Variants in LY75 observed in about 807,000 individuals in gnomAD.
LY75 encodes lymphocyte antigen 75.
LY75 carries 185 observed loss-of-function variants against 231.7 expected under a neutral mutation model. The observed-to-expected ratio is 0.80, with a 90% confidence interval of 0.71 to 0.90. The LOEUF is 0.90. Among genes scored for constraint, LY75 ranks in the 40% least tolerant of loss-of-function variants. LY75 has a pLI of 0.00. For missense variants in LY75, 1,947 were observed against 2,050.2 expected, an observed-to-expected ratio of 0.95 and a Z score of 0.97; for synonymous variants, 668 against 689.0, an observed-to-expected ratio of 0.97 and a Z score of 0.48.
intron 29 of LY75, among the ~76,000 whole-genome samples, chr2:159,817,886 A>G (rs1445524312): frequency 1.3e-5 from 2 of 151,992 alleles, no homozygotes; most frequent in Non-Finnish European, 2.9e-5. Flanking sequence ...CGTCTCTACC[A>G]AAAATACAAA....
intron 13 of LY75, among the ~76,000 whole-genome samples, chr2:159,868,351 A>C (rs1422992651): frequency 6.6e-6 from 1 of 152,164 alleles, no homozygotes; most frequent in Non-Finnish European, 1.5e-5. Flanking sequence ...AAAAAAATTA[A>C]ACATAGTACA....
At chr2:159,879,466 G>T in intron 8 of LY75, 97 bp from the exon 9 acceptor site, 2 of 1,506,008 alleles carry the variant, frequency 1.3e-6, no homozygotes, top group Non-Finnish European at 9.0e-7. Flanking sequence ...CAGAGAGAGA[G>T]AAATGAATAT....
rs530169549 is a variant in LY75, at chr2:159,820,551, G to A, written c.3959-631C>T. ...CGGGGGGAAGAGTGGGAGGGGATGAGGGATAAAAGATTACACACTAGGTAC... is the reference window on the plus strand; with the variant it reads ...CGGGGGGAAGAGTGGGAGGGGATGAAGGATAAAAGATTACACACTAGGTAC... On this transcript the variant is annotated intron_variant, in intron 28 of 34. Coordinates refer to ENST00000263636, the MANE Select transcript of LY75 (RefSeq NM_002349.4). Among the ~76,000 whole-genome samples, 24 of 152,210 alleles carry A rather than the reference G, an allele frequency of 1.6e-4. No individual in the cohort carries two copies. In the South Asian group the frequency reaches 4.6e-3, roughly 29 times the overall value.
chr2:159,827,330 T>C (rs898146142), intron 28 of LY75, among the ~76,000 whole-genome samples: 1 of 152,216 alleles, frequency 6.6e-6, no homozygotes, highest in Non-Finnish European at 1.5e-5. Flanking sequence ...AGAGAAGACA[T>C]TTATACAGCC....
In LY75 at chr2:159,894,014, C is replaced by T; in HGVS notation, c.537G>A (p.Trp179Ter). 1 of 1,613,834 alleles carries T rather than the reference C, an allele frequency of 6.2e-7. No individual in the cohort carries two copies. The highest frequency in any genetic ancestry group is 8.5e-7 in the Non-Finnish European group (1 of 1,179,840). ...CTTCATCAAGAATGCAATCATGATG[C>T]CAGGTCCCATCAATTAAGAATGGAA... ...CEFPFLIDGT[W>*]HHDCILDEDH... is the part of the protein sequence containing the mutation. The change falls in exon 3 of 35, where the codon TGG (tryptophan) becomes TGA (stop). Residue 179 changes from tryptophan (W) to a stop codon, truncating the protein, a stop_gained. Coordinates refer to ENST00000263636, the MANE Select transcript of LY75 (RefSeq NM_002349.4). LOFTEE classifies it high-confidence loss of function.
intron 25 of LY75, among the ~76,000 whole-genome samples, chr2:159,838,451 A>G (rs1048413548): frequency 1.3e-5 from 2 of 152,226 alleles, no homozygotes; most frequent in Admixed American, 1.3e-4. Flanking sequence ...AAATAGGTAC[A>G]CATAGAAAAA....
At chr2:159,895,822 C>A (rs1032271737) in intron 2 of LY75, among the ~76,000 whole-genome samples, 1 of 152,230 alleles carries the variant, frequency 6.6e-6, no homozygotes. Flanking sequence ...AAGCATACAA[C>A]CACCACACCA....
chr2:159,826,153 G>A (rs2433688), intron 28 of LY75, among the ~76,000 whole-genome samples: 62,124 of 151,942 alleles, frequency 0.41, 14,391 homozygotes, highest in Non-Finnish European at 0.52. Context: ...ATGGGAAGAG[G>A]GGAAGTCAAA....
intron 29 of LY75, among the ~76,000 whole-genome samples, chr2:159,819,006 A>G (rs1234514629): frequency 6.6e-6 from 1 of 152,216 alleles, no homozygotes; most frequent in African/African-American, 2.4e-5. Context: ...CTAAGTTTCT[A>G]AAATGTCTCA....
Position 159,878,401 on chromosome 2 carries a change from CA to C in LY75, c.1696del (p.Cys566ValfsTer16), listed in dbSNP as rs769935583. ...FWTGLRDVDS[C>X]GEYNWATVGG... ...AACAGTTGCCCAGTTATACTCTCCACAAGAATCTACATCTCTCAGGCCAGTC... is the reference window on the plus strand; with the variant it reads ...AACAGTTGCCCAGTTATACTCTCCACAGAATCTACATCTCTCAGGCCAGTC... On this transcript the variant is annotated frameshift_variant, in exon 11 of 35. Transcript: ENST00000263636. LOFTEE classifies it high-confidence loss of function. 6.2e-6 allele frequency: 10 copies of C among 1,613,996 alleles called. No homozygotes were observed. In the African/African-American group the frequency reaches 1.2e-4, roughly 19 times the overall value.
At chr2:159,862,478 T>C (rs1050197569) in intron 14 of LY75, among the ~76,000 whole-genome samples, 8 of 152,064 alleles carry the variant, frequency 5.3e-5, no homozygotes, top group Admixed American at 2.6e-4. Context: ...AAATCACTCA[T>C]ACTACCCAAA....
intron 12 of LY75, 60 bp from the exon 13 acceptor site, chr2:159,872,653 TAA>T: frequency 1.3e-6 from 2 of 1,561,884 alleles, no homozygotes. Context: ...TTCATAGTGC[TAA>T]AGTCAATTAC....
At chr2:159,887,141 T>C (rs1001805792) in intron 4 of LY75, among the ~76,000 whole-genome samples, 8 of 148,518 alleles carry the variant, frequency 5.4e-5, no homozygotes, top group Admixed American at 3.4e-4. Flanking sequence ...ATAACATATA[T>C]ATATGTGGCT....
At chr2:159,820,676 T>C (rs935276797) in intron 28 of LY75, among the ~76,000 whole-genome samples, 4 of 152,176 alleles carry the variant, frequency 2.6e-5, no homozygotes, top group African/African-American at 7.2e-5. Flanking sequence ...CAAAAACCTA[T>C]TGAAATAAAA....
rs561543689 is a variant in LY75 at position 159,880,590 on chromosome 2, G to T, written c.1404+493C>A. Among the ~76,000 whole-genome samples the T allele has an allele frequency of 4.6e-5, 7 of 152,324 alleles. No individual in the cohort carries two copies. The East Asian group carries it at 1.3e-3, about 29-fold the overall frequency. On this transcript the variant is annotated intron_variant, in intron 8 of 34. Coordinates refer to ENST00000263636, the MANE Select transcript of LY75 (RefSeq NM_002349.4). ...TTTGAGACCAGAAAAGATGCTCTCA[G>T]ATAGGATATGGGTTGCTTATTTAGT...
Position 159,840,736 on chromosome 2 carries a change from CTG to C in LY75, c.3498_3499del (p.Phe1166LeufsTer4), listed in dbSNP as rs1481011318. 1 of 1,613,984 alleles carries C rather than the reference CTG, an allele frequency of 6.2e-7. No homozygotes were observed. ...TTGGGACTGAACACTTACATCTTGACTGAAGAGTCCGATCCATAAGGAAGAGT... is the reference window on the plus strand; with the variant it reads ...TTGGGACTGAACACTTACATCTTGACAAGAGTCCGATCCATAAGGAAGAGT... On this transcript the variant is annotated frameshift_variant, in exon 25 of 35. Coordinates refer to ENST00000263636, the MANE Select transcript of LY75 (RefSeq NM_002349.4). LOFTEE classifies it high-confidence loss of function.
intron 32 of LY75, 95 bp from the exon 33 acceptor site, chr2:159,808,666 C>A: frequency 6.7e-7 from 1 of 1,486,420 alleles, no homozygotes; most frequent in Non-Finnish European, 9.0e-7. Context: ...ATATTATTAA[C>A]AAGATCATTG....
rs761311032 is a variant in LY75 at position 159,816,900 on chromosome 2, A to C, written c.4286T>G (p.Leu1429Trp). The stretch of plus-strand genomic sequence containing the variant: ...GCCATTTTGGTTGTGAACGCTTGCC[A>C]AGTGACCTCCACTTTGAGAACACAT... ...LNMCSQSGGHLASVHNQNGQL... is the reference protein window; with the variant it reads ...LNMCSQSGGHWASVHNQNGQL... Residue 1429 changes from leucine to tryptophan, a missense_variant, in exon 30 of 35, where the codon TTG becomes TGG. By Grantham distance (61) the Leu-to-Trp change is moderately conservative. Transcript: ENST00000263636. 13 of 1,614,198 alleles carry C rather than the reference A, an allele frequency of 8.1e-6. No individual in the cohort carries two copies. Among genetic ancestry groups the C allele is most frequent in the Middle Eastern group, 1.6e-4 (1 of 6,062 alleles).
At chr2:159,848,221 GC>G (rs1684278704) in intron 23 of LY75, among the ~76,000 whole-genome samples, 1 of 151,422 alleles carries the variant, frequency 6.6e-6, no homozygotes, top group Non-Finnish European at 1.5e-5. Context: ...ATACTACTCA[GC>G]CATAAAAAGG....
Sources: allele counts gnomAD v4.1 joint callset (sites outside exome capture counted in the v4.1 genomes callset), GRCh38; gene constraint gnomAD v4.1.1; transcripts MANE v1.5; gene names NCBI Gene and HGNC (gene_info 2026-07-23, HGNC 2026-07-21).